The following TANK variants were observed in gnomAD, a reference collection of about 807,000 sequenced individuals.
The protein encoded by TANK is TRAF family member associated NFKB activator.
TANK carries 15 observed loss-of-function variants against 43.6 expected under a neutral mutation model. The ratio of observed to expected loss-of-function variants is 0.34; its 90% CI spans 0.23 to 0.53. The LOEUF is 0.53. Ranked by LOEUF, TANK falls within the 20% of genes least tolerant of loss-of-function variation. TANK has a pLI of 0.94. For missense variants in TANK, 417 were observed against 498.6 expected (o/e 0.84, Z 1.56); for synonymous variants, 162 against 178.2 (o/e 0.91, Z 0.73).
At chr2:161,193,238 C>T (rs999355798) in intron 2 of TANK, among the ~76,000 whole-genome samples, 4 of 152,124 alleles carry the variant, frequency 2.6e-5, no homozygotes, top group Non-Finnish European at 5.9e-5. Context: ...CTGTTCATTC[C>T]AAGGTAGAGG....
At chr2:161,232,653 C>A in intron 7 of TANK, 3 of 1,398,750 alleles carry the variant, frequency 2.1e-6, no homozygotes, top group South Asian at 1.7e-5. Context: ...AAGTAGAATT[C>A]CTGTGGAGCT....
Position 161,186,490 on chromosome 2 carries a change from T to TA in TANK, c.99+6730dup, listed in dbSNP as rs143206207. 4.3e-3 allele frequency among the ~76,000 whole-genome samples: 650 copies of TA among 152,280 alleles called. 3 individuals are homozygous for TA. Among genetic ancestry groups the TA allele is most frequent in the Non-Finnish European group, 7.3e-3 (497 of 68,018 alleles). ...GTGCTAGGAAAACTAGATAACCAGA[T>TA]ACAGAAGAATGAAAGTAGACCCTCA... is the stretch of plus-strand genomic sequence containing the variant. On this transcript the variant is annotated intron_variant, in intron 2 of 7. Transcript: ENST00000392749.
intron 4 of TANK, among the ~76,000 whole-genome samples, chr2:161,217,306 C>T (rs1293995021): frequency 9.2e-5 from 14 of 152,150 alleles, no homozygotes. Flanking sequence ...AATTTAAACT[C>T]AGAATTTAAG....
intron 1 of TANK, among the ~76,000 whole-genome samples, chr2:161,177,492 A>C (rs762592624): frequency 6.6e-6 from 1 of 152,118 alleles, no homozygotes; most frequent in Non-Finnish European, 1.5e-5. Context: ...CCTCATGCAA[A>C]AGAATGAATC....
chr2:161,154,747 CTTTTTTT>C (rs775085021), intron 1 of TANK, among the ~76,000 whole-genome samples: 1 of 143,682 alleles, frequency 7.0e-6, no homozygotes, highest in African/African-American at 2.5e-5. Context: ...TAAGCATACA[CTTTTTTT>C]TTTTTTTTGA....
In TANK at chr2:161,153,390, A is replaced by T. The variant is rs561851250; in HGVS notation, c.-50+16327A>T. On this transcript the variant is annotated intron_variant, in intron 1 of 7. Coordinates refer to the TANK transcript ENST00000259075. ...AAGTGATAATTATGACTTTTTATTT[A>T]AATTAAAAATCAGGCTGGGTGTGAT... 6.2e-4 allele frequency among the ~76,000 whole-genome samples: 95 copies of T among 152,158 alleles called. No homozygotes were observed. The Middle Eastern group carries it at 0.01, about 16-fold the overall frequency.
Position 161,224,628 on chromosome 2 carries a change from T to TA in TANK, c.405-2dup. The TA allele has an allele frequency of 7.2e-7, 1 of 1,393,400 alleles. No individual in the cohort carries two copies. The highest frequency in any genetic ancestry group is 9.7e-7 in the Non-Finnish European group (1 of 1,032,066). The allele number at this position is 1,393,400 out of a possible 1,614,324, so 86.3% of individuals were successfully genotyped here. ...ATTTTAAAATGTTGATTTTTTTTTTTAGGGGTAATATAGAGAAGACTTTCT... is the reference window on the plus strand; with the variant it reads ...ATTTTAAAATGTTGATTTTTTTTTTTAAGGGGTAATATAGAGAAGACTTTCT... On this transcript the variant is annotated splice_region_variant and splice_polypyrimidine_tract_variant and intron_variant, in intron 5 of 7. Transcript: ENST00000392749.
chr2:161,185,836 C>T (rs1311837227), intron 2 of TANK, among the ~76,000 whole-genome samples: 2 of 151,914 alleles, frequency 1.3e-5, no homozygotes, highest in Non-Finnish European at 2.9e-5. Context: ...ACAATGTGCA[C>T]ATGTACCCTA....
chr2:161,207,798 C>T (rs923650290), intron 4 of TANK: 84 of 985,214 alleles, frequency 8.5e-5, no homozygotes, highest in Non-Finnish European at 1.0e-4. Context: ...TGAAAAAAAT[C>T]CATGTCTGTT....
intron 6 of TANK, among the ~76,000 whole-genome samples, chr2:161,229,755 T>A (rs1442908371): frequency 6.6e-6 from 1 of 152,206 alleles, no homozygotes; most frequent in Non-Finnish European, 1.5e-5. Context: ...TTGTGTTCTG[T>A]ATACCCTGTC....
chr2:161,162,460 G>GT (rs1573963597), intron 1 of TANK: 3 of 152,014 alleles, frequency 2.0e-5, no homozygotes, highest in African/African-American at 7.2e-5. Context: ...TTAATAAATT[G>GT]TTTCACTTGA....
chr2:161,139,957 G>A (rs1683695751), intron 1 of TANK: 1 of 951,614 alleles, frequency 1.1e-6, no homozygotes, highest in Admixed American at 6.2e-5. Context: ...GAAAATGTAT[G>A]CTAAAGAGAA....
At position 161,235,830 on chromosome 2, in the gene TANK, A is replaced by C. The variant is rs981795342; in HGVS notation, c.*312A>C. On this transcript the variant is annotated 3_prime_UTR_variant, in exon 8 of 8. Coordinates refer to ENST00000392749, the MANE Select transcript of TANK (RefSeq NM_001199135.3). ...GTATGTGACTTAGAGTTATATAATC[A>C]TAATTTATGTTTATTTCAAATATCT... The C allele has an allele frequency of 6.3e-5, 11 of 173,896 alleles. No individual in the cohort carries two copies. Among genetic ancestry groups the C allele is most frequent in the African/African-American group, 2.4e-4 (10 of 42,380 alleles). 10.8% of individuals were successfully genotyped at this position (173,896 alleles called of 1,614,324 possible). A position where few individuals can be genotyped will look rare whatever the true frequency, so the allele number is the denominator to read the frequency against.
chr2:161,191,090 G>A (rs953438377), intron 2 of TANK, among the ~76,000 whole-genome samples: 5 of 152,102 alleles, frequency 3.3e-5, no homozygotes, highest in African/African-American at 1.2e-4. Flanking sequence ...TCTTCTCTCA[G>A]TGTTTCTTCC....
rs1302678612 is a variant in TANK at position 161,231,486 on chromosome 2, G to C, written c.1036G>C (p.Asp346His). The C allele has an allele frequency of 6.2e-7, 1 of 1,613,660 alleles. No homozygotes were observed. Among genetic ancestry groups the C allele is most frequent in the Admixed American group, 1.7e-5 (1 of 59,990 alleles). ...ALYVNSFPLL[D>H]PSDAPFPSLD... ...ATATGTAAATAGCTTCCCACTTCTG[G>C]ACCCATCTGATGCACCTTTTCCCTC... Residue 346 changes from aspartate (D) to histidine (H), a missense_variant, in exon 7 of 8, where the codon GAC becomes CAC. Transcript: ENST00000392749.
intron 2 of TANK, among the ~76,000 whole-genome samples, chr2:161,192,321 G>A (rs920345563): frequency 6.6e-6 from 1 of 152,126 alleles, no homozygotes; most frequent in Non-Finnish European, 1.5e-5. Context: ...TTAATAAGCT[G>A]CTGCGTGGAA....
rs763729332 is a variant in TANK, at chr2:161,179,567, G to T, written c.-49-47G>T. On this transcript the variant is annotated intron_variant, in intron 1 of 7. Transcript: ENST00000392749. ...CTTTAAGATGCATTTTTAAAATGAG[G>T]TTTATGTAACTTAGTAATTATCTAA... is the stretch of plus-strand genomic sequence containing the variant. 4.6e-6 allele frequency: 7 copies of T among 1,508,716 alleles called. No individual in the cohort carries two copies. In the Admixed American group the frequency reaches 8.2e-5, roughly 18 times the overall value. The allele number at this position is 1,508,716 out of a possible 1,614,324, so 93.5% of individuals were successfully genotyped here. A position where few individuals can be genotyped will look rare whatever the true frequency, so the allele number is the denominator to read the frequency against.
At position 161,235,626 on chromosome 2, in the gene TANK, A is replaced by G. The variant is rs1008885397; in HGVS notation, c.*108A>G. The G allele has an allele frequency of 6.7e-6, 6 of 892,286 alleles. No individual in the cohort carries two copies. In the African/African-American group the frequency reaches 8.7e-5, roughly 13 times the overall value. 55.3% of individuals were successfully genotyped at this position (892,286 alleles called of 1,614,324 possible). A position where few individuals can be genotyped will look rare whatever the true frequency, so the allele number is the denominator to read the frequency against. The stretch of plus-strand genomic sequence containing the variant: ...TTCAAGATCATTTATAGGAAAATCT[A>G]GTTTCACAGCTATTTGAATTTTTTT... On this transcript the variant is annotated 3_prime_UTR_variant, in exon 8 of 8. Coordinates refer to ENST00000392749, the MANE Select transcript of TANK (RefSeq NM_001199135.3).
At chr2:161,164,259 A>T (rs1180369386) in intron 1 of TANK, among the ~76,000 whole-genome samples, 2 of 152,176 alleles carry the variant, frequency 1.3e-5, no homozygotes, top group African/African-American at 4.8e-5. Flanking sequence ...GTTACTGTTT[A>T]TCCTTTTTGT....
Sources: gnomAD v4.1 joint callset for allele counts (sites outside exome capture counted in the v4.1 genomes callset) on GRCh38, gnomAD v4.1.1 for gene constraint, MANE v1.5 for transcripts, NCBI Gene and HGNC (gene_info 2026-07-23, HGNC 2026-07-21) for gene names.